The following MYOM2 variants were observed in gnomAD, a reference collection of about 807,000 sequenced individuals.
The protein encoded by MYOM2 is myomesin 2.
A neutral mutation model predicts 187.6 loss-of-function variants in MYOM2; 254 were observed. The observed-to-expected ratio is 1.35, with a 90% CI of 1.22 to 1.50. MYOM2 has a LOEUF of 1.50. Ranked by LOEUF, MYOM2 falls within the 40% of genes most tolerant of loss-of-function variation. MYOM2 has a pLI of 0.00. For synonymous variants in MYOM2, 981 were observed against 753.8 expected (o/e 1.30, Z -4.94); for missense variants, 2,796 against 1,924.0 (o/e 1.45, Z -8.48).
chr8:2,108,510 A>G (rs992755469), intron 23 of MYOM2, among the ~76,000 whole-genome samples: 4 of 152,090 alleles, frequency 2.6e-5, no homozygotes, highest in Non-Finnish European at 4.4e-5. Flanking sequence ...AAGTCTTCCT[A>G]TATTCCAGGG....
At chr8:2,092,728 T>C (rs1340436714) in intron 16 of MYOM2, among the ~76,000 whole-genome samples, 2 of 150,964 alleles carry the variant, frequency 1.3e-5, no homozygotes, top group African/African-American at 2.4e-5. Context: ...ACCGAAACGA[T>C]TTATTTATGG....
At chr8:2,072,545 A>G in intron 9 of MYOM2, 36 bp downstream of exon 9, 1 of 1,592,768 alleles carries the variant, frequency 6.3e-7, no homozygotes, top group Non-Finnish European at 8.5e-7. Context: ...GGCACACACC[A>G]GGAGGCTTTT....
At chr8:2,075,807 C>G (rs1819395951) in intron 10 of MYOM2, among the ~76,000 whole-genome samples, 1 of 152,212 alleles carries the variant, frequency 6.6e-6, no homozygotes, top group South Asian at 2.1e-4. Flanking sequence ...ATTATTGTCA[C>G]TGTTTCATCC....
rs562969467 is a variant in MYOM2, at chr8:2,080,128, A to G, written c.1516+515A>G. ...TGATTTTCCTTTTAGAGACCTTTAGAAAGAATGACGTGTTAAGGAGAATCC... is the reference window on the plus strand; with the variant it reads ...TGATTTTCCTTTTAGAGACCTTTAGGAAGAATGACGTGTTAAGGAGAATCC... On this transcript the variant is annotated intron_variant, in intron 13 of 36. Transcript: ENST00000262113. Among the ~76,000 whole-genome samples the G allele has an allele frequency of 2.8e-4, 42 of 152,354 alleles. No homozygotes were observed. The South Asian group carries it at 8.1e-3, about 29-fold the overall frequency.
intron 14 of MYOM2, 117 bp downstream of exon 14, chr8:2,085,507 T>TCTG (rs1819807683): frequency 2.8e-6 from 3 of 1,059,804 alleles, no homozygotes; most frequent in Non-Finnish European, 3.9e-6. Context: ...TGTTGTGATC[T>TCTG]CCGCGTGGCC....
chr8:2,086,413 C>A (rs1286855649), intron 14 of MYOM2, among the ~76,000 whole-genome samples: 18 of 91,142 alleles, frequency 2.0e-4, no homozygotes, highest in Admixed American at 4.7e-4. Context: ...TCTGCGTGGC[C>A]TCCCACTGTT....
chr8:2,087,673 C>G (rs749225873), intron 14 of MYOM2, among the ~76,000 whole-genome samples: 1 of 152,198 alleles, frequency 6.6e-6, no homozygotes, highest in Non-Finnish European at 1.5e-5. Flanking sequence ...TGCAGTGGCA[C>G]AGTCATGGCT....
At chr8:2,123,215 T>A in intron 28 of MYOM2, 37 bp from the exon 29 acceptor site, 1 of 1,341,210 alleles carries the variant, frequency 7.5e-7, no homozygotes, top group Non-Finnish European at 1.1e-6. Context: ...TGAGTCAGAA[T>A]GATTTACACA....
chr8:2,097,458 T>C (rs1315711874), intron 18 of MYOM2, among the ~76,000 whole-genome samples: 1 of 152,204 alleles, frequency 6.6e-6, no homozygotes, highest in Admixed American at 6.5e-5. Context: ...AACATCTCCA[T>C]TGCCTCCCAG....
At chr8:2,067,761 G>A (rs758167816) in intron 6 of MYOM2, among the ~76,000 whole-genome samples, 2 of 151,698 alleles carry the variant, frequency 1.3e-5, no homozygotes, top group Admixed American at 1.3e-4. Context: ...TTTTTGTTTT[G>A]TTTTGTTTTC....
chr8:2,095,163 C>A (rs980948046), intron 17 of MYOM2, among the ~76,000 whole-genome samples: 1 of 152,196 alleles, frequency 6.6e-6, no homozygotes, highest in African/African-American at 2.4e-5. Flanking sequence ...AATCTGATAA[C>A]ATCTAGCTAG....
At chr8:2,112,207 T>A (rs1019325511) in intron 25 of MYOM2, among the ~76,000 whole-genome samples, 5 of 151,670 alleles carry the variant, frequency 3.3e-5, no homozygotes, top group Non-Finnish European at 7.4e-5. Context: ...TGTCACGGAG[T>A]CAAAGAAATA....
intron 32 of MYOM2, among the ~76,000 whole-genome samples, chr8:2,131,226 G>A (rs3824180): frequency 0.14 from 21,197 of 152,144 alleles, 2,588 homozygotes; most frequent in African/African-American, 0.31. Context: ...TGTGTTACAC[G>A]TTCAACACAT....
intron 27 of MYOM2, among the ~76,000 whole-genome samples, chr8:2,116,918 C>T (rs559445861): frequency 6.3e-4 from 85 of 134,588 alleles, no homozygotes; most frequent in South Asian, 2.8e-3. Context: ...CCACTATGCC[C>T]GGTTAATTTT....
chr8:2,076,348 T>C (rs1350254338), intron 11 of MYOM2, 66 bp downstream of exon 11: 1 of 1,558,672 alleles, frequency 6.4e-7, no homozygotes, highest in African/African-American at 1.4e-5. Context: ...GGACAATATA[T>C]TGAGAAATTT....
chr8:2,052,117 G>A (rs1326632392), intron 2 of MYOM2, 41 bp from the exon 3 acceptor site: 1 of 1,610,466 alleles, frequency 6.2e-7, no homozygotes. Context: ...TCCATACTGT[G>A]CCTGAGCATG....
intron 25 of MYOM2, 152 bp downstream of exon 25, chr8:2,109,683 T>A (rs754731082): frequency 3.6e-6 from 3 of 826,906 alleles, no homozygotes; most frequent in Non-Finnish European, 5.4e-6. Context: ...TGAATGGAGA[T>A]GGTTGATTCT....
rs138096233 is a variant in MYOM2, at chr8:2,052,257, G to C, written c.207G>C (p.Arg69Ser). The change falls in exon 3 of 37, where the codon AGG (arginine) becomes AGC (serine). Residue 69 changes from arginine (R) to serine (S), a missense_variant. Arg to Ser is a moderately radical substitution (Grantham distance 110). Transcript: ENST00000262113. ...CGTCCCTGGGAGGAACCATCTGCAGGGTCTGTGCGAAGCGAGTGAGCACGC... is the reference window on the plus strand; with the variant it reads ...CGTCCCTGGGAGGAACCATCTGCAGCGTCTGTGCGAAGCGAGTGAGCACGC... ...SQTSLGGTIC[R>S]VCAKRVSTQE... 1.5e-4 allele frequency: 234 copies of C among 1,612,798 alleles called. 1 individual carries two copies. The highest frequency in any genetic ancestry group is 1.4e-3 in the Middle Eastern group (8 of 5,614).
intron 31 of MYOM2, among the ~76,000 whole-genome samples, chr8:2,126,708 G>A (rs1253501538): frequency 7.2e-6 from 1 of 138,324 alleles, no homozygotes; most frequent in Non-Finnish European, 1.5e-5. Flanking sequence ...GATGGAGGCT[G>A]GGTGAGCACT....
Sources: gnomAD v4.1 joint callset for allele counts (sites outside exome capture counted in the v4.1 genomes callset) on GRCh38, gnomAD v4.1.1 for gene constraint, MANE v1.5 for transcripts, NCBI Gene and HGNC (gene_info 2026-07-23, HGNC 2026-07-21) for gene names.